GRID2: variants seen among roughly 807,000 people sequenced by gnomAD.
GRID2 encodes the protein glutamate ionotropic receptor delta type subunit 2, also known as glutamate receptor ionotropic, delta-2.
Under a neutral mutation model 114.8 loss-of-function variants are expected in GRID2, and 33 were observed. The observed-to-expected ratio is 0.29, with a 90% CI of 0.22 to 0.38. The LOEUF is 0.38. Ranked by LOEUF, GRID2 falls within the 10% of genes least tolerant of loss-of-function variation. GRID2 has a pLI of 1.00. For missense variants in GRID2, 1,184 were observed against 1,257.7 expected (o/e 0.94, Z 0.89); for synonymous variants, 505 against 449.9 (o/e 1.12, Z -1.55).
At chr4:93,120,824 G>T (rs1266572033) in intron 4 of GRID2, among the ~76,000 whole-genome samples, 1 of 151,976 alleles carries the variant, frequency 6.6e-6, no homozygotes. Flanking sequence ...ATGGTGGCGG[G>T]CACCTGTAGT....
At chr4:92,795,597 T>C (rs1739824063) in intron 2 of GRID2, among the ~76,000 whole-genome samples, 1 of 152,030 alleles carries the variant, frequency 6.6e-6, no homozygotes. Context: ...TTTTCACTTC[T>C]CTAAAAATGT....
intron 3 of GRID2, among the ~76,000 whole-genome samples, chr4:93,103,998 G>C (rs191151922): frequency 6.6e-6 from 1 of 151,690 alleles, no homozygotes; most frequent in East Asian, 1.9e-4. Context: ...TTGCACCCAG[G>C]AAGTAAGCAT....
chr4:93,435,032 C>T (rs1303615294), intron 10 of GRID2, among the ~76,000 whole-genome samples: 1 of 152,118 alleles, frequency 6.6e-6, no homozygotes, highest in African/African-American at 2.4e-5. Context: ...AAAAGAACAA[C>T]TTCCATCCTT....
chr4:93,294,298 A>C (rs1322266660), intron 8 of GRID2, among the ~76,000 whole-genome samples: 1 of 150,552 alleles, frequency 6.6e-6, no homozygotes, highest in East Asian at 1.9e-4. Context: ...GATCCATATC[A>C]GGCTAGTCAT....
At chr4:92,904,343 TAAATA>T (rs1394800091) in intron 2 of GRID2, among the ~76,000 whole-genome samples, 3 of 149,994 alleles carry the variant, frequency 2.0e-5, no homozygotes, top group Admixed American at 6.6e-5. Flanking sequence ...AATAATAAAA[TAAATA>T]AAATATATTT....
intron 4 of GRID2, among the ~76,000 whole-genome samples, chr4:93,137,471 C>T (rs1735366628): frequency 6.6e-6 from 1 of 152,010 alleles, no homozygotes; most frequent in African/African-American, 2.4e-5. Flanking sequence ...CTAGAAGGAA[C>T]CTATAGGACA....
chr4:93,788,026 A>G (rs1208757661), intron 1 of GRID2, among the ~76,000 whole-genome samples: 1 of 152,174 alleles, frequency 6.6e-6, no homozygotes, highest in Non-Finnish European at 1.5e-5. Context: ...TTGACAATGT[A>G]ACGCCTAAGG....
chr4:93,590,510 T>A (rs1738122661), intron 13 of GRID2, among the ~76,000 whole-genome samples: 1 of 151,240 alleles, frequency 6.6e-6, no homozygotes, highest in East Asian at 1.9e-4. Context: ...CTTTGTTCTT[T>A]TGGCTTAGGA....
intron 1 of GRID2, among the ~76,000 whole-genome samples, chr4:92,583,135 A>T (rs1011493576): frequency 6.6e-6 from 1 of 152,078 alleles, no homozygotes; most frequent in African/African-American, 2.4e-5. Flanking sequence ...TGCAGCAATT[A>T]TTACTAGCTT....
intron 1 of GRID2, among the ~76,000 whole-genome samples, chr4:92,540,465 A>G (rs1035554625): frequency 6.6e-6 from 1 of 152,178 alleles, no homozygotes; most frequent in African/African-American, 2.4e-5. Flanking sequence ...AAACAACCCC[A>G]TCAAAAAGTG....
intron 12 of GRID2, 86 bp downstream of exon 12, chr4:93,490,863 T>A (rs965916149): frequency 1.2e-6 from 1 of 864,532 alleles, no homozygotes; most frequent in Admixed American, 2.2e-5. Flanking sequence ...ATGTGGTGTC[T>A]CATAATAAAT....
intron 2 of GRID2, among the ~76,000 whole-genome samples, chr4:92,657,344 C>T (rs1732293504): frequency 1.3e-5 from 2 of 151,348 alleles, no homozygotes; most frequent in South Asian, 4.2e-4. Context: ...TATATTTATT[C>T]TTGTTGTTTC....
intron 8 of GRID2, among the ~76,000 whole-genome samples, chr4:93,353,303 A>G (rs903450305): frequency 3.9e-5 from 6 of 152,074 alleles, no homozygotes; most frequent in African/African-American, 1.4e-4. Flanking sequence ...GAAAAGTACC[A>G]GGAACCCTGG....
At position 93,198,409 on chromosome 4, in the gene GRID2, G is replaced by A. The variant is rs182571012; in HGVS notation, c.736-8995G>A. ...AGACCTAAATGAAATGAAGGAGGGA[G>A]CTATGTGTGTGTCTCTAATGGAAGA... On this transcript the variant is annotated intron_variant, in intron 4 of 15. Transcript: ENST00000282020. 2.6e-5 allele frequency among the ~76,000 whole-genome samples: 4 copies of A among 152,242 alleles called. No homozygotes were observed. In the East Asian group the frequency reaches 7.7e-4, roughly 29 times the overall value.
intron 8 of GRID2, among the ~76,000 whole-genome samples, chr4:93,242,474 T>C (rs1747650272): frequency 6.6e-6 from 1 of 152,038 alleles, no homozygotes; most frequent in Non-Finnish European, 1.5e-5. Context: ...TGTATTGTGT[T>C]GCTTTGTGTT....
chr4:92,410,909 A>T (rs1731268180), intron 1 of GRID2, among the ~76,000 whole-genome samples: 1 of 150,778 alleles, frequency 6.6e-6, no homozygotes, highest in Non-Finnish European at 1.5e-5. Context: ...GATTATAAAC[A>T]GTCTCACCTC....
intron 14 of GRID2, among the ~76,000 whole-genome samples, chr4:93,737,179 T>A (rs1240638994): frequency 6.6e-6 from 1 of 152,090 alleles, no homozygotes; most frequent in Non-Finnish European, 1.5e-5. Flanking sequence ...CCTTTCCTTT[T>A]TATTGACAAT....
intron 1 of GRID2, among the ~76,000 whole-genome samples, chr4:92,528,238 T>G (rs558776103): frequency 6.6e-6 from 1 of 151,262 alleles, no homozygotes; most frequent in African/African-American, 2.4e-5. Context: ...ACAAGCAGGC[T>G]TGGCCTCACA....
chr4:92,621,756 AC>A (rs1466643835), intron 2 of GRID2, among the ~76,000 whole-genome samples: 2 of 151,882 alleles, frequency 1.3e-5, no homozygotes, highest in African/African-American at 4.8e-5. Context: ...GAAGAGCAGT[AC>A]CAGCAGTAAG....
Sources: allele counts gnomAD v4.1 joint callset (sites outside exome capture counted in the v4.1 genomes callset), GRCh38; gene constraint gnomAD v4.1.1; transcripts MANE v1.5; gene names NCBI Gene and HGNC (gene_info 2026-07-23, HGNC 2026-07-21).